Variants in ZNF19 observed in about 807,000 individuals in gnomAD.
The protein encoded by ZNF19 is zinc finger protein 19, also known as zinc finger protein 19 (KOX 12).
ZNF19 carries 11 observed loss-of-function variants against 13.1 expected under a neutral mutation model. The ratio of observed to expected loss-of-function variants is 0.84; its 90% CI spans 0.53 to 1.39. ZNF19 has a LOEUF of 1.39. ZNF19 is among the 40% of genes most tolerant of loss of function. The pLI, the probability that ZNF19 is intolerant of heterozygous loss-of-function variation, is 0.00. For missense variants in ZNF19, 560 were observed against 547.0 expected, an observed-to-expected ratio of 1.02 and a Z score of -0.24; for synonymous variants, 186 against 187.0, an observed-to-expected ratio of 0.99 and a Z score of 0.04.
intron 4 of ZNF19, 39 bp downstream of exon 4, chr16:71,478,840 A>G: frequency 6.2e-7 from 1 of 1,601,618 alleles, no homozygotes; most frequent in Non-Finnish European, 8.5e-7. Context: ...GGAAACTGGA[A>G]AAGTACAGAT....
At position 71,475,312 on chromosome 16, in the gene ZNF19, G is replaced by A. The variant is rs2043592876; in HGVS notation, c.1235C>T (p.Pro412Leu). ...CTTCTCATACTTGCTACACTCATAG[G>A]GTTTCTCTCCAGTATGGATTCTTTG... ...QHQRIHTGEK[P>L]YECSKYEKAF... Residue 412 changes from proline (P) to leucine (L), a missense_variant, in exon 6 of 6, where the codon CCC (proline) becomes CTC (leucine). Transcript: ENST00000288177. 4 of 1,614,034 alleles carry A rather than the reference G, an allele frequency of 2.5e-6. No individual in the cohort carries two copies. The highest frequency in any genetic ancestry group is 1.3e-5 in the African/African-American group (1 of 74,920).
chr16:71,477,696 C>A (rs188161182), intron 5 of ZNF19, among the ~76,000 whole-genome samples: 7 of 152,252 alleles, frequency 4.6e-5, no homozygotes, highest in East Asian at 1.9e-4. Flanking sequence ...TCTAAAGGCA[C>A]CTCACGCCCT....
intron 3 of ZNF19, 109 bp downstream of exon 3, chr16:71,481,973 G>T: frequency 8.5e-7 from 1 of 1,182,452 alleles, no homozygotes. Flanking sequence ...GGAATCAGCA[G>T]GGGTTTTCCT....
intron 1 of ZNF19, 78 bp downstream of exon 1, chr16:71,489,194 A>G: frequency 1.0e-6 from 1 of 966,320 alleles, no homozygotes; most frequent in South Asian, 4.8e-5. Flanking sequence ...GCTGCGCTCA[A>G]AGGACCAGCC....
At position 71,475,849 on chromosome 16, in the gene ZNF19, A is replaced by G. The variant is rs759876859; in HGVS notation, c.698T>C (p.Ile233Thr). 1.9e-6 allele frequency: 3 copies of G among 1,613,362 alleles called. No homozygotes were observed. Among genetic ancestry groups the G allele is most frequent in the Non-Finnish European group, 2.5e-6 (3 of 1,179,832 alleles). ...GRAFNDNANLIRHQRIHSGDR... is the reference protein window; with the variant it reads ...GRAFNDNANLTRHQRIHSGDR... ...CCCACTGTGGATTCTCTGATGCCTG[A>G]TCAGATTTGCATTATCATTAAAGGC... The change falls in exon 6 of 6, where the codon ATC (isoleucine) becomes ACC (threonine). Residue 233 changes from isoleucine (I) to threonine (T), a missense_variant. Coordinates refer to ENST00000288177, the MANE Select transcript of ZNF19 (RefSeq NM_006961.4).
chr16:71,484,225 G>A (rs892759337), intron 2 of ZNF19, among the ~76,000 whole-genome samples: 1 of 152,198 alleles, frequency 6.6e-6, no homozygotes, highest in African/African-American at 2.4e-5. Context: ...CGGGGCCCAC[G>A]CCCCGCCTCA....
At position 71,478,159 on chromosome 16, in the gene ZNF19, A is replaced by T. The variant is rs548934932; in HGVS notation, c.274+69T>A. 2.4e-5 allele frequency: 25 copies of T among 1,021,184 alleles called. No homozygotes were observed. The African/African-American group carries it at 2.9e-4, about 12-fold the overall frequency. The allele number at this position is 1,021,184 out of a possible 1,614,324, so 63.3% of individuals were successfully genotyped here. On this transcript the variant is annotated intron_variant, in intron 5 of 5. Transcript: ENST00000288177. ...CTATTTTATTTAAATCCTGCCCAGC[A>T]TGATTCATTTTAAAATACAGTGCTC...
intron 5 of ZNF19, among the ~76,000 whole-genome samples, 186 bp from the exon 6 acceptor site, chr16:71,476,458 G>C (rs1156993484): frequency 6.6e-6 from 1 of 152,198 alleles, no homozygotes; most frequent in African/African-American, 2.4e-5. Flanking sequence ...AGGTGGAACA[G>C]GGTATCAGTG....
intron 3 of ZNF19, among the ~76,000 whole-genome samples, chr16:71,480,288 C>T (rs539012367): frequency 1.3e-5 from 2 of 152,274 alleles, no homozygotes; most frequent in Non-Finnish European, 2.9e-5. Context: ...CCACATCCCC[C>T]TCATCCCAGC....
In ZNF19 at chr16:71,475,519, T is replaced by C; in HGVS notation, c.1028A>G (p.Lys343Arg). ...VCGQAFNFHT[K>R]LTRHQRIHSE... ...GTGAATTCTCTGGTGCCGAGTTAGT[T>C]TTGTATGAAAATTGAAGGCTTGTCC... The change falls in exon 6 of 6, where the codon AAA becomes AGA. Residue 343 changes from lysine (K) to arginine (R), a missense_variant. Physicochemically the swap from Lys to Arg is conservative, Grantham distance 26 (BLOSUM62 2). Transcript: ENST00000288177. 2 of 1,613,594 alleles carry C rather than the reference T, an allele frequency of 1.2e-6. No homozygotes were observed. The highest frequency in any genetic ancestry group is 1.7e-6 in the Non-Finnish European group (2 of 1,179,836).
chr16:71,480,255 G>A (rs2043628834), intron 3 of ZNF19, among the ~76,000 whole-genome samples: 1 of 152,044 alleles, frequency 6.6e-6, no homozygotes, highest in Non-Finnish European at 1.5e-5. Context: ...ACCTTCCAAT[G>A]CCTCAACTGA....
At chr16:71,489,060 G>A (rs564898429) in intron 1 of ZNF19, 4 of 183,598 alleles carry the variant, frequency 2.2e-5, no homozygotes, top group Non-Finnish European at 4.1e-5. Context: ...TCCTTGGGGG[G>A]CTCTTTCTCC....
chr16:71,485,484 C>CAAAAAAAAAAAAA (rs1164122713), intron 1 of ZNF19, among the ~76,000 whole-genome samples: 1 of 133,246 alleles, frequency 7.5e-6, no homozygotes, highest in African/African-American at 3.0e-5. Flanking sequence ...CAAAAAAAAA[C>CAAAAAAAAAAAAA]AAAAAGAAAG....
chr16:71,475,387 C>G lies in ZNF19; in HGVS notation c.1160G>C (p.Cys387Ser). ...RIHTQESSYV[C>S]DECGKALTSK... Reference sequence around the variant, plus strand: ...AGTCAAGGCTTTTCCACACTCATCACATACATAGGAAGACTCCTGAGTATG... The same window carrying G: ...AGTCAAGGCTTTTCCACACTCATCAGATACATAGGAAGACTCCTGAGTATG... The change falls in exon 6 of 6, where the codon TGT (cysteine) becomes TCT (serine). Residue 387 changes from cysteine to serine, a missense_variant. Physicochemically the swap from Cys to Ser is moderately radical, Grantham distance 112. Coordinates refer to ENST00000288177, the MANE Select transcript of ZNF19 (RefSeq NM_006961.4). 6.2e-7 allele frequency: 1 copy of G among 1,614,116 alleles called. No individual in the cohort carries two copies. Among genetic ancestry groups the G allele is most frequent in the Non-Finnish European group, 8.5e-7 (1 of 1,180,026 alleles).
Position 71,482,156 on chromosome 16 carries a change from A to G in ZNF19, c.-29-13T>C, listed in dbSNP as rs1395770841. The G allele has an allele frequency of 1.2e-6, 2 of 1,613,056 alleles. No homozygotes were observed. ...TAGCAGGCAAAGGCTGAGGGAAGAA[A>G]CAGAGAGAACCAACAGTGAGCTCAG... On this transcript the variant is annotated splice_polypyrimidine_tract_variant and intron_variant, in intron 2 of 5. Transcript: ENST00000288177.
chr16:71,477,032 C>T (rs1004783952), intron 5 of ZNF19, among the ~76,000 whole-genome samples: 3 of 152,158 alleles, frequency 2.0e-5, no homozygotes, highest in African/African-American at 4.8e-5. Flanking sequence ...AAAAAGGAGA[C>T]AAACAGCCCA....
At chr16:71,485,555 A>T (rs899966421) in intron 1 of ZNF19, among the ~76,000 whole-genome samples, 4 of 146,998 alleles carry the variant, frequency 2.7e-5, no homozygotes, top group Middle Eastern at 3.5e-3. Context: ...AACGGTGGAC[A>T]TTTTTTTTTT....
At chr16:71,485,824 G>A (rs777704250) in intron 1 of ZNF19, among the ~76,000 whole-genome samples, 24 of 152,246 alleles carry the variant, frequency 1.6e-4, no homozygotes, top group Non-Finnish European at 2.6e-4. Context: ...TCAGAGACTT[G>A]CGCAAACATC....
Position 71,475,715 on chromosome 16 carries a change from A to T in ZNF19, c.832T>A (p.Cys278Ser). The stretch of plus-strand genomic sequence containing the variant: ...GAATTACCAACAAAAGCTTTGCCAC[A>T]CTCATTACACTCATAGGGTTTCTCC... Reference protein sequence around the residue: ...TGEKPYECNECGKAFVGNSPL... With the variant: ...TGEKPYECNESGKAFVGNSPL... Residue 278 changes from cysteine (C) to serine (S), a missense_variant, in exon 6 of 6, where the codon TGT becomes AGT. Coordinates refer to ENST00000288177, the MANE Select transcript of ZNF19 (RefSeq NM_006961.4). 1 of 1,612,520 alleles carries T rather than the reference A, an allele frequency of 6.2e-7. No individual in the cohort carries two copies.
Sources: allele counts gnomAD v4.1 joint callset (sites outside exome capture counted in the v4.1 genomes callset), GRCh38; gene constraint gnomAD v4.1.1; transcripts MANE v1.5; gene names NCBI Gene and HGNC (gene_info 2026-07-23, HGNC 2026-07-21).